The following AGBL4 variants were observed in gnomAD, a reference collection of about 807,000 sequenced individuals.
The protein encoded by AGBL4 is cytosolic carboxypeptidase 6.
A neutral mutation model predicts 66.4 loss-of-function variants in AGBL4; 58 were observed. The ratio of observed to expected loss-of-function variants is 0.87; its 90% confidence interval spans 0.71 to 1.09. The LOEUF is 1.09. Among genes scored for constraint, AGBL4 ranks in the 50% least tolerant of loss-of-function variants. The pLI, the probability that AGBL4 is intolerant of heterozygous loss-of-function variation, is 0.00. For synonymous variants in AGBL4, 234 were observed against 222.9 expected, an observed-to-expected ratio of 1.05 and a Z score of -0.44; for missense variants, 579 against 631.0, an observed-to-expected ratio of 0.92 and a Z score of 0.88.
chr1:49,773,016 C>T (rs1644104973), intron 2 of AGBL4, among the ~76,000 whole-genome samples: 1 of 152,070 alleles, frequency 6.6e-6, no homozygotes, highest in African/African-American at 2.4e-5. Flanking sequence ...GTTCTGTAGG[C>T]CTTCTTCATT....
At chr1:49,013,943 G>T (rs189007594) in intron 5 of AGBL4, among the ~76,000 whole-genome samples, 89 of 152,170 alleles carry the variant, frequency 5.8e-4, no homozygotes, top group African/African-American at 2.0e-3. Flanking sequence ...CCCCTTTCTT[G>T]TCCTCTTTTA....
At chr1:49,996,337 A>T (rs1462297872) in intron 1 of AGBL4, 1 of 152,170 alleles carries the variant, frequency 6.6e-6, no homozygotes, top group Non-Finnish European at 1.5e-5. Context: ...TGGATGGAAA[A>T]ATCCCCAGAG....
chr1:49,948,262 A>G (rs1271835278), intron 1 of AGBL4, among the ~76,000 whole-genome samples: 1 of 103,804 alleles, frequency 9.6e-6, no homozygotes, highest in Non-Finnish European at 1.7e-5. Context: ...ATAAATATAT[A>G]AATAAATACA....
intron 3 of AGBL4, among the ~76,000 whole-genome samples, chr1:49,588,400 A>G (rs141885121): frequency 3.9e-5 from 6 of 152,302 alleles, no homozygotes; most frequent in African/African-American, 1.4e-4. Context: ...AGCACCCAGT[A>G]CAAATTTTAG....
chr1:49,691,945 T>C (rs1473743053), intron 3 of AGBL4, among the ~76,000 whole-genome samples: 1 of 152,152 alleles, frequency 6.6e-6, no homozygotes, highest in Admixed American at 6.5e-5. Flanking sequence ...TGGCCTATTG[T>C]GGGACCTTGT....
At chr1:49,602,219 A>G (rs1270330401) in intron 3 of AGBL4, among the ~76,000 whole-genome samples, 2 of 152,184 alleles carry the variant, frequency 1.3e-5, no homozygotes, top group African/African-American at 2.4e-5. Flanking sequence ...GATGTGGAGA[A>G]ACAGGAATGC....
In AGBL4 at chr1:49,243,238, G is replaced by A. The variant is rs185852006; in HGVS notation, c.377+2532C>T. On this transcript the variant is annotated intron_variant, in intron 4 of 13. Coordinates refer to ENST00000371839, the MANE Select transcript of AGBL4 (RefSeq NM_032785.4). ...TTTTTTTGTTATAGTGCTTGCCTTG[G>A]TATTGGGAAAGCTAGAATTAGAAAG... 2.9e-3 allele frequency among the ~76,000 whole-genome samples: 443 copies of A among 151,772 alleles called. 3 individuals carry two copies. The highest frequency in any genetic ancestry group is 0.024 in the South Asian group (118 of 4,820).
intron 3 of AGBL4, among the ~76,000 whole-genome samples, chr1:49,275,831 T>C (rs1035256473): frequency 6.6e-6 from 1 of 152,154 alleles, no homozygotes; most frequent in African/African-American, 2.4e-5. Flanking sequence ...TAAAGCCCTA[T>C]AAACTAAAGT....
chr1:49,163,861 T>C (rs551019221), intron 4 of AGBL4, among the ~76,000 whole-genome samples: 1 of 152,078 alleles, frequency 6.6e-6, no homozygotes, highest in Non-Finnish European at 1.5e-5. Flanking sequence ...AAATGAATCT[T>C]GGGGTATTCT....
chr1:49,582,146 T>G (rs938497324), intron 3 of AGBL4, among the ~76,000 whole-genome samples: 3 of 152,110 alleles, frequency 2.0e-5, no homozygotes, highest in Admixed American at 6.5e-5. Context: ...GAAGCCTGGA[T>G]CCCACACTCT....
chr1:49,442,040 A>G (rs12731737), intron 3 of AGBL4, among the ~76,000 whole-genome samples: 62,077 of 151,652 alleles, frequency 0.41, 16,120 homozygotes, highest in Non-Finnish European at 0.58. Context: ...CAGGGTGATC[A>G]GCCAGCTACC....
At chr1:48,949,945 T>C (rs1557492613) in intron 5 of AGBL4, among the ~76,000 whole-genome samples, 1 of 152,190 alleles carries the variant, frequency 6.6e-6, no homozygotes, top group Non-Finnish European at 1.5e-5. Context: ...CCCCTCTAAA[T>C]AGGTCTGAAC....
intron 3 of AGBL4, among the ~76,000 whole-genome samples, chr1:49,409,685 T>C (rs1273141105): frequency 3.9e-5 from 6 of 152,198 alleles, no homozygotes; most frequent in Non-Finnish European, 7.3e-5. Flanking sequence ...AATATTTCAA[T>C]TTAATTGTTA....
intron 1 of AGBL4, among the ~76,000 whole-genome samples, chr1:49,949,029 C>A (rs951264625): frequency 2.6e-5 from 4 of 151,348 alleles, no homozygotes. Flanking sequence ...AATAGTGAAC[C>A]CAGAAATAAA....
intron 1 of AGBL4, among the ~76,000 whole-genome samples, chr1:49,882,168 T>A (rs1571793961): frequency 6.6e-6 from 1 of 151,480 alleles, no homozygotes; most frequent in Non-Finnish European, 1.5e-5. Context: ...TGCTTGTTTT[T>A]CTCAGGTTTG....
intron 4 of AGBL4, among the ~76,000 whole-genome samples, chr1:49,051,489 T>C (rs1437246954): frequency 1.3e-5 from 2 of 152,144 alleles, no homozygotes; most frequent in Non-Finnish European, 2.9e-5. Context: ...CTCAGGCATA[T>C]TTGAAATTGA....
rs191965611 is a variant in AGBL4, at chr1:48,590,525, C to T, written c.1104+308G>A. Among the ~76,000 whole-genome samples, 131 of 152,162 alleles carry T rather than the reference C, an allele frequency of 8.6e-4. 1 individual carries two copies. The highest frequency in any genetic ancestry group is 2.4e-3 in the Admixed American group (37 of 15,282). Reference sequence around the variant, plus strand: ...GAGCCATGATCATACCACTGCACCCCGGCCTGAGTGACAGAGCGAGATCCT... The same window carrying T: ...GAGCCATGATCATACCACTGCACCCTGGCCTGAGTGACAGAGCGAGATCCT... On this transcript the variant is annotated intron_variant, in intron 10 of 13. Transcript: ENST00000371839.
chr1:48,834,393 G>A lies in AGBL4; in HGVS notation c.634+32798C>T, dbSNP rs540857465. ...ATGTGAATATTGGGGGGCCAGGGGC[G>A]GAATATTGTGGTCTGAATGTTTGTG... On this transcript the variant is annotated intron_variant, in intron 6 of 13. Coordinates refer to ENST00000371839, the MANE Select transcript of AGBL4 (RefSeq NM_032785.4). Among the ~76,000 whole-genome samples the A allele has an allele frequency of 2.1e-4, 32 of 152,144 alleles. No homozygotes were observed. The South Asian group carries it at 4.8e-3, about 23-fold the overall frequency.
chr1:49,138,313 A>C (rs1017935324), intron 4 of AGBL4, among the ~76,000 whole-genome samples: 1 of 152,168 alleles, frequency 6.6e-6, no homozygotes, highest in Non-Finnish European at 1.5e-5. Context: ...ACTTTGCAGA[A>C]GCTAATGGAG....
Sources: allele counts gnomAD v4.1 joint callset (sites outside exome capture counted in the v4.1 genomes callset), GRCh38; gene constraint gnomAD v4.1.1; transcripts MANE v1.5; gene names NCBI Gene and HGNC (gene_info 2026-07-23, HGNC 2026-07-21).